XRCC3: variants seen among roughly 807,000 people sequenced by gnomAD.
XRCC3 encodes X-ray repair cross complementing 3.
A neutral mutation model predicts 29.2 loss-of-function variants in XRCC3; 34 were observed. The ratio of observed to expected loss-of-function variants is 1.16; its 90% CI spans 0.88 to 1.55. The LOEUF is 1.55. Among genes scored for constraint, XRCC3 ranks in the 40% most tolerant of loss-of-function variants. The probability of loss-of-function intolerance (pLI) is 0.00; values close to 1 mark genes in which losing one functional copy is unlikely to be tolerated. For synonymous variants in XRCC3, 223 were observed against 211.3 expected (o/e 1.06, Z -0.48); for missense variants, 463 against 467.6 (o/e 0.99, Z 0.09).
chr14:103,706,356 G>A (rs966857137), intron 6 of XRCC3: 4 of 455,920 alleles, frequency 8.8e-6, no homozygotes, highest in South Asian at 4.6e-5. Context: ...AGGTGCCACC[G>A]ATGAAAAAAT....
Position 103,699,260 on chromosome 14 carries a change from C to G in XRCC3, c.775-81G>C, listed in dbSNP as rs376047069. The G allele has an allele frequency of 9.7e-6, 15 of 1,539,658 alleles. No homozygotes were observed. The Admixed American group carries it at 2.9e-4, about 30-fold the overall frequency. On this transcript the variant is annotated intron_variant, in intron 8 of 9. Coordinates refer to ENST00000555055, the MANE Select transcript of XRCC3 (RefSeq NM_005432.4). ...GGCACAGGCTGCTACCCGCAGGAGC[C>G]GGAGGCCACCTCACTGCCACCCGCC...
At chr14:103,705,826 G>C in intron 6 of XRCC3, 1 of 160,450 alleles carries the variant, frequency 6.2e-6, no homozygotes. Context: ...ACGAAGCCTG[G>C]CACGGAGGAC....
rs776250580 is a variant in XRCC3, at chr14:103,698,997, G to A, written c.842C>T (p.Ser281Phe). The change falls in exon 10 of 10, where the codon TCC (serine) becomes TTC (phenylalanine). Residue 281 changes from serine to phenylalanine, a missense_variant. Physicochemically the swap from Ser to Phe is radical, Grantham distance 155 (BLOSUM62 -2). Coordinates refer to ENST00000555055, the MANE Select transcript of XRCC3 (RefSeq NM_005432.4). The part of the protein sequence containing the change: ...GPLGFWDERV[S>F]PALGITWANQ... ...AGCCCAGGTTATGCCAAGGGCTGGG[G>A]AAACACGTTCGTCCCAGAACCTGAG... 7 of 1,593,822 alleles carry A rather than the reference G, an allele frequency of 4.4e-6. No individual in the cohort carries two copies. The highest frequency in any genetic ancestry group is 2.3e-5 in the East Asian group (1 of 43,574).
intron 2 of XRCC3, 196 bp from the exon 3 acceptor site, chr14:103,711,763 C>T (rs746708054): frequency 2.2e-6 from 1 of 454,078 alleles, no homozygotes; most frequent in South Asian, 1.6e-5. Context: ...AAGGGAGAAG[C>T]TCAGCTCTTC....
Position 103,711,238 on chromosome 14 carries a change from C to T in XRCC3, c.-151G>A. On this transcript the variant is annotated 5_prime_UTR_variant, in exon 4 of 10. Transcript: ENST00000555055. ...AGCCGAGGTGTCCGTGTCATCGGGG[C>T]TCTGTCACTGAGGGTGGAGGAGACT... 2.5e-6 allele frequency: 2 copies of T among 793,524 alleles called. No individual in the cohort carries two copies. The highest frequency in any genetic ancestry group is 2.9e-5 in the South Asian group (2 of 68,776). The allele number at this position is 793,524 out of a possible 1,614,324, so 49.2% of individuals were successfully genotyped here.
At chr14:103,704,416 A>T (rs2083359549) in intron 6 of XRCC3, 1 of 152,098 alleles carries the variant, frequency 6.6e-6, no homozygotes, top group African/African-American at 2.4e-5. Context: ...TTTTATTTTA[A>T]TTTTTGAGAG....
In XRCC3 at chr14:103,703,247, T is replaced by C. The variant is rs1220812158; in HGVS notation, c.487A>G (p.Thr163Ala). 11 of 1,563,640 alleles carry C rather than the reference T, an allele frequency of 7.0e-6. No homozygotes were observed. The highest frequency in any genetic ancestry group is 9.5e-6 in the Non-Finnish European group (11 of 1,155,070). The change falls in exon 7 of 10, where the codon ACT becomes GCT. Residue 163 changes from threonine (T) to alanine (A), a missense_variant. By Grantham distance (58) the Thr-to-Ala change is moderately conservative (BLOSUM62 0). Transcript: ENST00000555055. ...QLMAQQPRLR[T>A]DVPGELLQKL... ...TGAAGCAGCTCTCCTGGAACGTCAGTGCGCAGCCGCGGCTGCTGGGCCATG... is the reference window on the plus strand; with the variant it reads ...TGAAGCAGCTCTCCTGGAACGTCAGCGCGCAGCCGCGGCTGCTGGGCCATG...
chr14:103,708,702 A>G (rs753749259), intron 4 of XRCC3, 43 bp from the exon 5 acceptor site: 2 of 1,613,186 alleles, frequency 1.2e-6, no homozygotes, highest in Non-Finnish European at 1.7e-6. Flanking sequence ...TCAGACTGTC[A>G]CAACGCAGGG....
In XRCC3 at chr14:103,707,039, C is replaced by G; in HGVS notation, c.370G>C (p.Val124Leu). Residue 124 changes from valine to leucine, a missense_variant, in exon 6 of 10, where the codon GTG becomes CTG. Transcript: ENST00000555055. ...TQLALQLCLA[V>L]QFPRQHGGLE... is the part of the protein sequence containing the mutation. ...CCTCCGTGCTGCCGCGGGAACTGCA[C>G]AGCCAGGCAGAGCTGCAGCGCCAGC... The G allele has an allele frequency of 6.4e-7, 1 of 1,567,432 alleles. No individual in the cohort carries two copies. The highest frequency in any genetic ancestry group is 8.6e-7 in the Non-Finnish European group (1 of 1,159,470).
rs1241414489 is a variant in XRCC3, at chr14:103,699,400, G to A, written c.738C>T (p.Ser246=). The change falls in exon 8 of 10, where the codon AGC becomes AGT. Residue 246 remains serine, a synonymous_variant. Coordinates refer to ENST00000555055, the MANE Select transcript of XRCC3 (RefSeq NM_005432.4). ...QSLGATLREL[S]SAFQSPVLCI... is the part of the protein sequence containing the mutation. ...ACAGCACAGGGCTCTGGAAGGCACT[G>A]CTCAGCTCACGCAGCGTGGCCCCCA... 7 of 1,611,856 alleles carry A rather than the reference G, an allele frequency of 4.3e-6. No homozygotes were observed. The highest frequency in any genetic ancestry group is 5.9e-6 in the Non-Finnish European group (7 of 1,179,650).
At chr14:103,706,946 C>T in intron 6 of XRCC3, 57 bp downstream of exon 6, 1 of 1,523,444 alleles carries the variant, frequency 6.6e-7, no homozygotes, top group South Asian at 1.2e-5. Flanking sequence ...AAAGCTGTCC[C>T]ACACAAAGCA....
chr14:103,712,512 T>G (rs1206009939), intron 2 of XRCC3: 1 of 152,044 alleles, frequency 6.6e-6, no homozygotes, highest in Non-Finnish European at 1.5e-5. Flanking sequence ...CGAAAAGAGG[T>G]CATTTTCAGA....
intron 6 of XRCC3, chr14:103,704,342 G>A (rs1342276543): frequency 6.6e-6 from 1 of 152,230 alleles, no homozygotes; most frequent in East Asian, 1.9e-4. Context: ...AACTGTTCTG[G>A]AATTGGATAG....
intron 5 of XRCC3, 146 bp from the exon 6 acceptor site, chr14:103,707,361 T>G: frequency 9.8e-7 from 1 of 1,018,410 alleles, no homozygotes; most frequent in Non-Finnish European, 1.5e-6. Context: ...AGCAAGGTGC[T>G]GAGGGCAGGG....
chr14:103,701,505 T>G (rs1485864795), intron 7 of XRCC3: 1 of 386,794 alleles, frequency 2.6e-6, no homozygotes, highest in Non-Finnish European at 4.6e-6. Flanking sequence ...ATAACGTATT[T>G]TATTGTACAT....
At chr14:103,700,729 T>TC in intron 7 of XRCC3, 1 of 1,591,852 alleles carries the variant, frequency 6.3e-7, no homozygotes, top group Non-Finnish European at 8.5e-7. Context: ...ACCGCTAACG[T>TC]GAGTCCCACG....
At chr14:103,715,013 T>TA (rs753203273) in intron 1 of XRCC3, among the ~76,000 whole-genome samples, 22 of 152,172 alleles carry the variant, frequency 1.4e-4, no homozygotes, top group Non-Finnish European at 2.8e-4. Flanking sequence ...ATCAAAGTAT[T>TA]AAAATAACTG....
At chr14:103,710,626 A>C (rs1281685402) in intron 4 of XRCC3, 1 of 178,724 alleles carries the variant, frequency 5.6e-6, no homozygotes, top group Non-Finnish European at 1.2e-5. Flanking sequence ...CTGTAGTCCC[A>C]GCTACTCGGG....
At chr14:103,707,620 G>A (rs1028258375) in intron 5 of XRCC3, 10 of 334,292 alleles carry the variant, frequency 3.0e-5, no homozygotes, top group Non-Finnish European at 4.6e-5. Context: ...ATGGGCTCCC[G>A]CAGGCGCGCA....
Sources: gnomAD v4.1 joint callset for allele counts (sites outside exome capture counted in the v4.1 genomes callset) on GRCh38, gnomAD v4.1.1 for gene constraint, MANE v1.5 for transcripts, NCBI Gene and HGNC (gene_info 2026-07-23, HGNC 2026-07-21) for gene names.